The following TBXAS1 variants were observed in gnomAD, a reference collection of about 807,000 sequenced individuals.
TBXAS1 encodes thromboxane-A synthase.
A neutral mutation model predicts 60.7 loss-of-function variants in TBXAS1; 48 were observed. The ratio of observed to expected loss-of-function variants is 0.79; its 90% CI spans 0.63 to 1.01. TBXAS1 has a LOEUF of 1.01. TBXAS1 is among the 50% of genes least tolerant of loss of function. The pLI is 0.00. For synonymous variants in TBXAS1, 287 were observed against 269.7 expected (o/e 1.06, Z -0.63); for missense variants, 685 against 686.3 (o/e 1.00, Z 0.02).
chr7:139,821,686 C>T (rs183884115), intron 4 of TBXAS1, among the ~76,000 whole-genome samples: 2 of 152,360 alleles, frequency 1.3e-5, no homozygotes, highest in East Asian at 1.9e-4. Context: ...CAATGAGTGG[C>T]ACCTGCAAAT....
At chr7:140,015,456 AG>A (rs752195734) in intron 10 of TBXAS1, among the ~76,000 whole-genome samples, 124 of 152,160 alleles carry the variant, frequency 8.1e-4, no homozygotes, top group Non-Finnish European at 1.6e-3. Context: ...GGATGCATGA[AG>A]GGATGGATGA....
At chr7:140,007,268 TCA>T in intron 10 of TBXAS1, 86 bp downstream of exon 10, 1 of 1,209,878 alleles carries the variant, frequency 8.3e-7, no homozygotes, top group Non-Finnish European at 1.2e-6. Flanking sequence ...CCCTCCTCCA[TCA>T]GTTACCACTT....
chr7:140,008,749 T>A (rs1454307900), intron 10 of TBXAS1, among the ~76,000 whole-genome samples: 1 of 152,210 alleles, frequency 6.6e-6, no homozygotes, highest in East Asian at 1.9e-4. Flanking sequence ...AATCCCAGCC[T>A]TATTTTTTTC....
chr7:139,918,587 G>A (rs1806185081), intron 4 of TBXAS1, among the ~76,000 whole-genome samples: 1 of 152,132 alleles, frequency 6.6e-6, no homozygotes, highest in South Asian at 2.1e-4. Context: ...GCTCAGGAGG[G>A]GCCCTCACTG....
intron 3 of TBXAS1, among the ~76,000 whole-genome samples, chr7:139,890,516 G>A (rs1349407130): frequency 6.6e-6 from 1 of 152,000 alleles, no homozygotes; most frequent in Non-Finnish European, 1.5e-5. Context: ...CGCCCGGCCA[G>A]GATGCAGTCT....
intron 1 of TBXAS1, among the ~76,000 whole-genome samples, chr7:139,844,368 A>G (rs1166436313): frequency 2.6e-5 from 4 of 152,162 alleles, no homozygotes; most frequent in Non-Finnish European, 5.9e-5. Flanking sequence ...CATAGATCCT[A>G]TGTTCTGTTG....
intron 4 of TBXAS1, among the ~76,000 whole-genome samples, chr7:139,794,834 G>A (rs1158630149): frequency 6.0e-5 from 9 of 150,544 alleles, no homozygotes; most frequent in East Asian, 5.9e-4. Context: ...TCCCTACAAA[G>A]GACATGAACT....
intron 4 of TBXAS1, chr7:139,913,737 T>C (rs141592206): frequency 1.3e-5 from 2 of 152,394 alleles, no homozygotes; most frequent in African/African-American, 4.8e-5. Flanking sequence ...AACTCCAGAG[T>C]AGAGTTCCAA....
rs114184728 is a variant in TBXAS1, at chr7:140,005,104, C to A, written c.1135-1987C>A. On this transcript the variant is annotated intron_variant, in intron 9 of 12. Transcript: ENST00000448866. ...GGAGGCAGCCACAGGTGGAGCCATGCATAAGCCAGGCTTCCAAAGCACAGA... is the reference window on the plus strand; with the variant it reads ...GGAGGCAGCCACAGGTGGAGCCATGAATAAGCCAGGCTTCCAAAGCACAGA... 5.0e-3 allele frequency among the ~76,000 whole-genome samples: 764 copies of A among 152,328 alleles called. 3 individuals are homozygous for A. The highest frequency in any genetic ancestry group is 0.017 in the African/African-American group (710 of 41,576).
In TBXAS1 at chr7:139,911,241, C is replaced by T. The variant is rs1016604233; in HGVS notation, c.253C>T (p.Arg85Trp). The change falls in exon 4 of 13, where the codon CGG becomes TGG. Residue 85 changes from arginine to tryptophan, a missense_variant. Arg to Trp is a moderately radical substitution (Grantham distance 101, BLOSUM62 -3). Transcript: ENST00000448866. ...GPLCGYYLGR[R>W]MFIVISEPDM... ...TCCTCCCAGGTACTATCTTGGTCGT[C>T]GGATGTTTATTGTTATTTCTGAGCC... 5.6e-6 allele frequency: 9 copies of T among 1,613,934 alleles called. No individual in the cohort carries two copies. The highest frequency in any genetic ancestry group is 5.0e-5 in the Admixed American group (3 of 59,994).
At chr7:139,820,673 G>C (rs558182906) in intron 4 of TBXAS1, among the ~76,000 whole-genome samples, 2 of 152,056 alleles carry the variant, frequency 1.3e-5, no homozygotes, top group Non-Finnish European at 2.9e-5. Context: ...TTTTTCACAT[G>C]GTCCACTGGG....
At chr7:139,957,327 C>T (rs1303736339) in intron 7 of TBXAS1, among the ~76,000 whole-genome samples, 1 of 152,142 alleles carries the variant, frequency 6.6e-6, no homozygotes, top group African/African-American at 2.4e-5. Flanking sequence ...CTTCAGGTCT[C>T]ATCCCCAGGA....
chr7:140,010,536 TG>T (rs1237532973), intron 10 of TBXAS1, among the ~76,000 whole-genome samples: 7 of 152,154 alleles, frequency 4.6e-5, no homozygotes, highest in Admixed American at 3.9e-4. Flanking sequence ...AGGTCCAGGC[TG>T]TTTCCAGAAA....
intron 3 of TBXAS1, among the ~76,000 whole-genome samples, chr7:139,886,483 T>C (rs1238177530): frequency 6.6e-6 from 1 of 150,402 alleles, no homozygotes; most frequent in Non-Finnish European, 1.5e-5. Context: ...TGTCATAGCA[T>C]GTTAGTTTGA....
At chr7:139,841,340 C>G (rs1437919112) in intron 1 of TBXAS1, among the ~76,000 whole-genome samples, 1 of 152,150 alleles carries the variant, frequency 6.6e-6, no homozygotes, top group Non-Finnish European at 1.5e-5. Context: ...GTACCCCAGG[C>G]AAAGACAACA....
At chr7:139,778,374 G>T (rs1796848747), upstream of TBXAS1, 1 of 153,246 alleles carries the variant, frequency 6.5e-6, no homozygotes, top group Non-Finnish European at 1.5e-5. The surrounding 1 kb of genome is among the most constrained non-coding windows in gnomAD (Gnocchi z 4.8). Context: ...AGGTGCGAGG[G>T]TTCGCGCGTG....
intron 3 of TBXAS1, among the ~76,000 whole-genome samples, chr7:139,892,838 T>TCTTGAG (rs1193306902): frequency 6.6e-6 from 1 of 152,030 alleles, no homozygotes; most frequent in Admixed American, 6.5e-5. Context: ...GGGGTGAGCT[T>TCTTGAG]CTTGAGTCCT....
chr7:140,011,284 AC>A (rs1443252804), intron 10 of TBXAS1, among the ~76,000 whole-genome samples: 15 of 2,070 alleles, frequency 7.2e-3, no homozygotes, highest in Middle Eastern at 0.12. Flanking sequence ...CTCAAAAAAA[AC>A]AAACAAACAA....
chr7:139,847,533 CCAACCAACCAACCAAT>C (rs1310758620), intron 1 of TBXAS1, among the ~76,000 whole-genome samples: 2 of 152,174 alleles, frequency 1.3e-5, no homozygotes, highest in African/African-American at 4.8e-5. Context: ...AACCAACCAA[CCAACCAACCAACCAAT>C]CAACCAACCA....
Sources: gnomAD v4.1 joint callset for allele counts (sites outside exome capture counted in the v4.1 genomes callset) on GRCh38, gnomAD v4.1.1 for gene constraint, Gnocchi (gnomAD v3.1) non-coding constraint, MANE v1.5 for transcripts, NCBI Gene and HGNC (gene_info 2026-07-23, HGNC 2026-07-21) for gene names.